Variants in GRIP1 observed in about 807,000 individuals in gnomAD.
GRIP1 encodes the protein glutamate receptor-interacting protein 1.
Under a neutral mutation model 129.9 loss-of-function variants are expected in GRIP1, and 45 were observed. The ratio of observed to expected loss-of-function variants is 0.35; its 90% CI spans 0.27 to 0.44. The LOEUF is 0.44. Among genes scored for constraint, GRIP1 ranks in the 20% least tolerant of loss-of-function variants. The pLI is 1.00. For missense variants in GRIP1, 1,196 were observed against 1,396.8 expected (o/e 0.86, Z 2.29); for synonymous variants, 530 against 520.8 (o/e 1.02, Z -0.24).
intron 1 of GRIP1, among the ~76,000 whole-genome samples, chr12:66,704,402 C>T (rs2035458565): frequency 6.6e-6 from 1 of 151,672 alleles, no homozygotes; most frequent in Admixed American, 6.6e-5. Flanking sequence ...TAATATTATT[C>T]TATAAAGAAC....
intron 1 of GRIP1, among the ~76,000 whole-genome samples, chr12:66,706,796 C>G (rs1185535166): frequency 2.0e-5 from 3 of 151,866 alleles, no homozygotes; most frequent in Non-Finnish European, 2.9e-5. Flanking sequence ...TGCTCTCACT[C>G]AAAAGTAGGA....
chr12:66,420,411 C>T (rs903388474), intron 15 of GRIP1, among the ~76,000 whole-genome samples: 44 of 127,482 alleles, frequency 3.5e-4, no homozygotes, highest in African/African-American at 1.3e-3. Flanking sequence ...CTGCTACTTT[C>T]AGGGTTTTTT....
intron 15 of GRIP1, chr12:66,407,271 G>A (rs965949167): frequency 3.3e-5 from 5 of 152,144 alleles, no homozygotes; most frequent in African/African-American, 1.2e-4. Context: ...GGTAACAGGA[G>A]GGAGGCGGAG....
At chr12:66,599,545 G>A (rs1470770151) in intron 1 of GRIP1, among the ~76,000 whole-genome samples, 6 of 152,152 alleles carry the variant, frequency 3.9e-5, no homozygotes, top group Non-Finnish European at 5.9e-5. Context: ...CTCTCTTGAC[G>A]TGATTTACTG....
chr12:66,463,155 T>A, intron 8 of GRIP1, 62 bp from the exon 9 acceptor site: 1 of 1,311,724 alleles, frequency 7.6e-7, no homozygotes, highest in South Asian at 1.2e-5. Context: ...CTGACTTTCA[T>A]GTCCTTCATA....
intron 7 of GRIP1, among the ~76,000 whole-genome samples, chr12:66,513,620 T>C (rs1351333489): frequency 6.6e-6 from 1 of 152,200 alleles, no homozygotes; most frequent in Non-Finnish European, 1.5e-5. Context: ...ATTTTAACTT[T>C]CTGTTTTGGC....
intron 1 of GRIP1, among the ~76,000 whole-genome samples, chr12:66,887,059 C>T (rs776423610): frequency 1.3e-5 from 2 of 152,170 alleles, no homozygotes; most frequent in South Asian, 2.1e-4. Flanking sequence ...GTTGGGGAAT[C>T]GAGAAAGTAA....
chr12:66,815,093 CT>C (rs1442258458), intron 1 of GRIP1, among the ~76,000 whole-genome samples: 4 of 152,120 alleles, frequency 2.6e-5, no homozygotes, highest in Non-Finnish European at 5.9e-5. Context: ...TATTTATATC[CT>C]TTATATGCAT....
intron 7 of GRIP1, among the ~76,000 whole-genome samples, chr12:66,500,106 A>G (rs77815216): frequency 1.3e-5 from 2 of 152,192 alleles, no homozygotes; most frequent in Admixed American, 1.3e-4. Flanking sequence ...TAAAACAACA[A>G]TAAAAGCAGA....
intron 1 of GRIP1, among the ~76,000 whole-genome samples, chr12:66,819,805 T>C (rs2039286540): frequency 6.6e-6 from 1 of 152,136 alleles, no homozygotes; most frequent in East Asian, 1.9e-4. Flanking sequence ...TGTGATATCA[T>C]AGGGCAAACC....
intron 1 of GRIP1, among the ~76,000 whole-genome samples, chr12:66,656,000 G>A (rs1327768314): frequency 6.6e-6 from 1 of 152,170 alleles, no homozygotes; most frequent in East Asian, 1.9e-4. Flanking sequence ...AAGATCAGGT[G>A]AAGGACTGGA....
At chr12:66,675,783 C>T (rs540278315) in intron 1 of GRIP1, among the ~76,000 whole-genome samples, 6 of 152,272 alleles carry the variant, frequency 3.9e-5, no homozygotes, top group South Asian at 2.1e-4. Flanking sequence ...AGATGGGAAA[C>T]GGAATGCTTT....
chr12:66,498,689 G>A (rs2060306165), intron 7 of GRIP1, among the ~76,000 whole-genome samples: 1 of 150,582 alleles, frequency 6.6e-6, no homozygotes, highest in Admixed American at 6.7e-5. Context: ...CTTATAAACT[G>A]TCATACAGGC....
At chr12:66,941,795 C>A (rs2041590799) in intron 1 of GRIP1, among the ~76,000 whole-genome samples, 1 of 152,168 alleles carries the variant, frequency 6.6e-6, no homozygotes, top group Non-Finnish European at 1.5e-5. Context: ...TCATGATCCT[C>A]CTGAATTATT....
At chr12:66,708,593 G>A (rs1767321163) in intron 1 of GRIP1, among the ~76,000 whole-genome samples, 1 of 151,762 alleles carries the variant, frequency 6.6e-6, no homozygotes, top group Non-Finnish European at 1.5e-5. Context: ...TAATTTTGTG[G>A]TCATCTATGA....
chr12:66,355,341 C>T (rs1156685057), intron 23 of GRIP1, among the ~76,000 whole-genome samples: 3 of 152,148 alleles, frequency 2.0e-5, no homozygotes, highest in Non-Finnish European at 4.4e-5. Context: ...CAAAACACAA[C>T]CTTTATGAGG....
chr12:66,475,191 A>T (rs1416421000), intron 7 of GRIP1, among the ~76,000 whole-genome samples: 13 of 152,210 alleles, frequency 8.5e-5, no homozygotes, highest in Non-Finnish European at 2.9e-5. Context: ...AGTCTCTGAT[A>T]AAACAGACTT....
At chr12:66,570,104 CATGTATGT>C (rs58598900) in intron 2 of GRIP1, among the ~76,000 whole-genome samples, 17 of 150,714 alleles carry the variant, frequency 1.1e-4, no homozygotes, top group East Asian at 2.0e-4. Flanking sequence ...GTAGGCATTG[CATGTATGT>C]ATGTATGTAT....
chr12:66,857,237 G>T (rs1234127764), intron 1 of GRIP1, among the ~76,000 whole-genome samples: 2 of 151,420 alleles, frequency 1.3e-5, no homozygotes, highest in Admixed American at 6.6e-5. Context: ...GTGGGGGGAA[G>T]GGGGAGGGAT....
Sources: allele counts gnomAD v4.1 joint callset (sites outside exome capture counted in the v4.1 genomes callset), GRCh38; gene constraint gnomAD v4.1.1; transcripts MANE v1.5; gene names NCBI Gene and HGNC (gene_info 2026-07-23, HGNC 2026-07-21).